TAFA2: variants seen among roughly 807,000 people sequenced by gnomAD.
TAFA2 encodes TAFA chemokine like family member 2.
In TAFA2, 7 loss-of-function variants were observed where a neutral mutation model predicts 18.8. That is an observed-to-expected ratio of 0.37 (90% CI 0.21 to 0.70). TAFA2 has a LOEUF of 0.70. Ranked by LOEUF, TAFA2 falls within the 30% of genes least tolerant of loss-of-function variation. The probability of loss-of-function intolerance (pLI) is 0.53; values close to 1 mark genes in which losing one functional copy is unlikely to be tolerated. For missense variants in TAFA2, 122 were observed against 158.1 expected, an observed-to-expected ratio of 0.77 and a Z score of 1.23; for synonymous variants, 60 against 54.2, an observed-to-expected ratio of 1.11 and a Z score of -0.47.
At chr12:61,762,702 A>G (rs377729725) in intron 2 of TAFA2, among the ~76,000 whole-genome samples, 4 of 151,664 alleles carry the variant, frequency 2.6e-5, no homozygotes, top group Non-Finnish European at 2.9e-5. Context: ...AAAAAAATCA[A>G]TCTGACATCA....
At chr12:62,027,807 G>A (rs1285465938) in intron 1 of TAFA2, among the ~76,000 whole-genome samples, 1 of 152,264 alleles carries the variant, frequency 6.6e-6, no homozygotes, top group Non-Finnish European at 1.5e-5. Flanking sequence ...AAATAGTAAA[G>A]CAGAGACTTT....
At chr12:62,176,210 T>C (rs1427090068) in intron 1 of TAFA2, among the ~76,000 whole-genome samples, 2 of 152,358 alleles carry the variant, frequency 1.3e-5, no homozygotes, top group South Asian at 2.1e-4. Flanking sequence ...TAATTTAAAA[T>C]AGATTTACTT....
chr12:61,795,026 T>G (rs892492309), intron 2 of TAFA2, among the ~76,000 whole-genome samples: 2 of 152,016 alleles, frequency 1.3e-5, no homozygotes, highest in Non-Finnish European at 2.9e-5. Context: ...AAAACCACAA[T>G]GAGATACCAT....
chr12:62,207,708 G>GTTA (rs1176366631), intron 1 of TAFA2, among the ~76,000 whole-genome samples: 1 of 152,148 alleles, frequency 6.6e-6, no homozygotes, highest in African/African-American at 2.4e-5. Context: ...TCTCCACAAT[G>GTTA]TTATACTCAA....
chr12:61,789,253 T>A (rs1198192524), intron 2 of TAFA2, among the ~76,000 whole-genome samples: 1 of 151,936 alleles, frequency 6.6e-6, no homozygotes, highest in African/African-American at 2.4e-5. Flanking sequence ...CTAGGTTTAC[T>A]TCTAGGGATT....
intron 1 of TAFA2, among the ~76,000 whole-genome samples, chr12:61,870,450 T>C (rs1325816116): frequency 6.6e-6 from 1 of 152,208 alleles, no homozygotes. Context: ...TGGCCAAATA[T>C]GTCTTTATGA....
chr12:62,214,289 G>C (rs952066512), intron 1 of TAFA2, among the ~76,000 whole-genome samples: 3 of 152,142 alleles, frequency 2.0e-5, no homozygotes, highest in Non-Finnish European at 4.4e-5. Flanking sequence ...TTCCTGTGCT[G>C]TTTTCATGAT....
chr12:61,940,442 T>G (rs1394698061), intron 1 of TAFA2, among the ~76,000 whole-genome samples: 1 of 152,190 alleles, frequency 6.6e-6, no homozygotes, highest in Non-Finnish European at 1.5e-5. Context: ...ATTTCGGCAC[T>G]ACACAAAGGT....
Position 61,923,080 on chromosome 12 carries a change from A to C in TAFA2, c.-1-55654T>G, listed in dbSNP as rs1435842631. On this transcript the variant is annotated intron_variant, in intron 1 of 4. Coordinates refer to ENST00000416284, the MANE Select transcript of TAFA2 (RefSeq NM_178539.5). ...TCTGGGCAGGGCATCTCTGAAAGAA[A>C]GGCAGCAGCCCCAGTCAGGGGCATA... Among the ~76,000 whole-genome samples, 3 of 152,160 alleles carry C rather than the reference A, an allele frequency of 2.0e-5. No homozygotes were observed. The East Asian group carries it at 5.8e-4, about 29-fold the overall frequency.
chr12:62,220,348 G>C (rs1376801353), intron 1 of TAFA2, among the ~76,000 whole-genome samples: 2 of 151,978 alleles, frequency 1.3e-5, no homozygotes, highest in African/African-American at 4.8e-5. Context: ...ACAATAATGA[G>C]ATACCACTAC....
intron 4 of TAFA2, among the ~76,000 whole-genome samples, chr12:61,738,490 AAAG>A (rs1167210245): frequency 2.0e-5 from 3 of 152,062 alleles, no homozygotes; most frequent in African/African-American, 4.8e-5. Context: ...ATTGTCAGAA[AAAG>A]AAGAATTGTC....
intron 1 of TAFA2, among the ~76,000 whole-genome samples, chr12:62,257,192 G>A (rs944502957): frequency 1.7e-5 from 1 of 58,484 alleles, no homozygotes; most frequent in Non-Finnish European, 3.6e-5. Context: ...GTGTGTGTGT[G>A]TGTGTGTGTG....
chr12:62,027,319 T>G (rs967903916), intron 1 of TAFA2, among the ~76,000 whole-genome samples: 1 of 152,112 alleles, frequency 6.6e-6, no homozygotes, highest in Non-Finnish European at 1.5e-5. Context: ...GAACATAATA[T>G]TCACAGTCAA....
At chr12:61,769,119 A>C (rs975604260) in intron 2 of TAFA2, among the ~76,000 whole-genome samples, 1 of 151,380 alleles carries the variant, frequency 6.6e-6, no homozygotes, top group Non-Finnish European at 1.5e-5. Flanking sequence ...AGGCAGCCAT[A>C]ATTCCCCTGG....
chr12:61,805,433 A>G (rs530184453), intron 2 of TAFA2, among the ~76,000 whole-genome samples: 19 of 152,162 alleles, frequency 1.2e-4, no homozygotes, highest in African/African-American at 4.6e-4. Context: ...TATATTTACA[A>G]TATATTTATA....
At chr12:61,997,196 T>C (rs1223730573) in intron 1 of TAFA2, among the ~76,000 whole-genome samples, 1 of 129,952 alleles carries the variant, frequency 7.7e-6, no homozygotes, top group African/African-American at 2.6e-5. Context: ...TGTGTGTATA[T>C]ATATATATAT....
intron 2 of TAFA2, among the ~76,000 whole-genome samples, chr12:61,797,205 A>G (rs1428693040): frequency 6.6e-6 from 1 of 152,170 alleles, no homozygotes; most frequent in Non-Finnish European, 1.5e-5. Context: ...AGCCTTTAAA[A>G]GTGAGGCTAA....
intron 1 of TAFA2, among the ~76,000 whole-genome samples, chr12:62,078,357 G>A (rs904789656): frequency 4.0e-5 from 6 of 150,430 alleles, no homozygotes; most frequent in African/African-American, 1.5e-4. Flanking sequence ...ACAAAAGGAA[G>A]AGTCTGGCAT....
At chr12:61,761,645 T>C (rs953027352) in intron 2 of TAFA2, among the ~76,000 whole-genome samples, 1 of 152,026 alleles carries the variant, frequency 6.6e-6, no homozygotes, top group Non-Finnish European at 1.5e-5. Flanking sequence ...ACAAGGAAAC[T>C]ATACCTCCAA....
Sources: gnomAD v4.1 joint callset for allele counts (sites outside exome capture counted in the v4.1 genomes callset) on GRCh38, gnomAD v4.1.1 for gene constraint, MANE v1.5 for transcripts, NCBI Gene and HGNC (gene_info 2026-07-23, HGNC 2026-07-21) for gene names.